Variants in CRIM1 observed in about 807,000 individuals in gnomAD.
The protein encoded by CRIM1 is cysteine rich transmembrane BMP regulator 1.
A neutral mutation model predicts 116.4 loss-of-function variants in CRIM1; 32 were observed. The observed-to-expected ratio is 0.27, with a 90% CI of 0.21 to 0.37. The LOEUF (loss-of-function observed/expected upper bound fraction) is 0.37, where lower values mean the gene tolerates loss of function less well. CRIM1 is among the 10% of genes least tolerant of loss of function. The pLI is 1.00. For missense variants in CRIM1, 1,331 were observed against 1,354.8 expected (o/e 0.98, Z 0.28); for synonymous variants, 590 against 509.2 (o/e 1.16, Z -2.13).
intron 2 of CRIM1, among the ~76,000 whole-genome samples, chr2:36,438,263 A>G (rs991683750): frequency 6.6e-6 from 1 of 152,256 alleles, no homozygotes; most frequent in African/African-American, 2.4e-5. Context: ...GTAAAATAAA[A>G]ATGTAATAGA....
chr2:36,488,778 A>G (rs1288672851), intron 7 of CRIM1, among the ~76,000 whole-genome samples: 2 of 152,336 alleles, frequency 1.3e-5, no homozygotes, highest in South Asian at 4.1e-4. Flanking sequence ...GCTAGCTGCC[A>G]GTAAAAAGAT....
intron 14 of CRIM1, among the ~76,000 whole-genome samples, chr2:36,538,136 A>G (rs1468918954): frequency 6.6e-6 from 1 of 152,024 alleles, no homozygotes; most frequent in East Asian, 1.9e-4. Context: ...CCATGCCTAC[A>G]TCTTTCCCCA....
At chr2:36,374,587 A>G (rs1670177911) in intron 1 of CRIM1, among the ~76,000 whole-genome samples, 1 of 152,064 alleles carries the variant, frequency 6.6e-6, no homozygotes, top group Admixed American at 6.6e-5. Flanking sequence ...CATTATTATG[A>G]TTTGTCAAGC....
At chr2:36,524,245 G>C (rs1456809902) in intron 13 of CRIM1, among the ~76,000 whole-genome samples, 1 of 152,122 alleles carries the variant, frequency 6.6e-6, no homozygotes, top group Admixed American at 6.6e-5. Context: ...TAGCTCCTAA[G>C]TGGAGCGAAA....
At chr2:36,475,732 T>C (rs940486366) in intron 5 of CRIM1, among the ~76,000 whole-genome samples, 2 of 152,226 alleles carry the variant, frequency 1.3e-5, no homozygotes, top group African/African-American at 4.8e-5. Flanking sequence ...GGATGCCATT[T>C]ATCAAGTTGA....
intron 4 of CRIM1, among the ~76,000 whole-genome samples, chr2:36,454,469 G>A (rs544472844): frequency 5.3e-5 from 8 of 152,194 alleles, no homozygotes; most frequent in South Asian, 2.1e-4. Flanking sequence ...GGAATGAACC[G>A]AGGTCTCTGA....
chr2:36,473,972 T>C (rs1056618053), intron 5 of CRIM1, among the ~76,000 whole-genome samples: 4 of 151,980 alleles, frequency 2.6e-5, no homozygotes, highest in African/African-American at 9.7e-5. Context: ...TCACTAAAAA[T>C]CTATGAGAAT....
rs1668852797 is a variant in CRIM1 at position 36,356,879 on chromosome 2, G to A, written c.331+256G>A. 6.6e-6 allele frequency among the ~76,000 whole-genome samples: 1 copy of A among 152,132 alleles called. No individual in the cohort carries two copies. Among genetic ancestry groups the A allele is most frequent in the Non-Finnish European group, 1.5e-5 (1 of 68,004 alleles). The stretch of plus-strand genomic sequence containing the variant: ...CGAGTGGAGGATCGCCCCTGTCCCC[G>A]CGCAGACGCGCACACGTGTGGCCGT... On this transcript the variant is annotated intron_variant, in intron 1 of 16. Coordinates refer to ENST00000280527, the MANE Select transcript of CRIM1 (RefSeq NM_016441.3). This position sits in a 1 kb window ranked among gnomAD's most constrained non-coding sequence, Gnocchi z 4.3.
chr2:36,410,861 G>A (rs1055043612), intron 2 of CRIM1, among the ~76,000 whole-genome samples: 5 of 152,082 alleles, frequency 3.3e-5, no homozygotes, highest in African/African-American at 1.2e-4. Context: ...GTGCATTAAC[G>A]TGGCGTCTGC....
chr2:36,520,565 T>G (rs564225447), intron 12 of CRIM1, among the ~76,000 whole-genome samples: 2 of 152,338 alleles, frequency 1.3e-5, no homozygotes, highest in South Asian at 4.1e-4. Flanking sequence ...TAATAGGACC[T>G]AGAGTACCAT....
rs754851164 is a variant in CRIM1 at position 36,512,369 on chromosome 2, C to G, written c.1755C>G (p.His585Gln). The change falls in exon 10 of 17, where the codon CAC becomes CAG. Residue 585 changes from histidine (H) to glutamine (Q), a missense_variant. Coordinates refer to ENST00000280527, the MANE Select transcript of CRIM1 (RefSeq NM_016441.3). ...ICPLGFQQDS[H>Q]GCLICKCREA... The stretch of plus-strand genomic sequence containing the variant: ...CCTTGGGTTTCCAGCAGGACAGTCA[C>G]GGCTGTCTTATCTGCAAGTGCAGAG... The G allele has an allele frequency of 6.2e-7, 1 of 1,613,372 alleles. No homozygotes were observed. Among genetic ancestry groups the G allele is most frequent in the Non-Finnish European group, 8.5e-7 (1 of 1,179,410 alleles).
Position 36,550,194 on chromosome 2 carries a change from T to C in CRIM1, c.*1493T>C, listed in dbSNP as rs894155291. The C allele has an allele frequency of 2.0e-5, 3 of 152,422 alleles. No homozygotes were observed. The highest frequency in any genetic ancestry group is 7.2e-5 in the African/African-American group (3 of 41,386). The allele number at this position is 152,422 out of a possible 1,614,324, so 9.4% of individuals were successfully genotyped here. A position where few individuals can be genotyped will look rare whatever the true frequency, so the allele number is the denominator to read the frequency against. ...TCAATTTGCTCACTGGCCAGAGACA[T>C]TGATGGCAGTTCTTATCTGCATCAC... On this transcript the variant is annotated 3_prime_UTR_variant, in exon 17 of 17. Coordinates refer to ENST00000280527, the MANE Select transcript of CRIM1 (RefSeq NM_016441.3).
chr2:36,393,328 G>A (rs141947050), intron 1 of CRIM1, among the ~76,000 whole-genome samples: 1 of 152,028 alleles, frequency 6.6e-6, no homozygotes, highest in Admixed American at 6.5e-5. Context: ...GTTTAAACAT[G>A]TTCTTTATAT....
Position 36,442,742 on chromosome 2 carries a change from T to C in CRIM1, c.869+7T>C, listed in dbSNP as rs1442068698. ...GCTGTACTTTGCCAACAAGGTTAGT[T>C]TGCCATTAGTTTGTCAAGTTTTCTC... On this transcript the variant is annotated splice_region_variant and intron_variant, in intron 4 of 16. Transcript: ENST00000280527. 2 of 1,614,114 alleles carry C rather than the reference T, an allele frequency of 1.2e-6. No homozygotes were observed. The highest frequency in any genetic ancestry group is 8.5e-7 in the Non-Finnish European group (1 of 1,179,978).
intron 1 of CRIM1, among the ~76,000 whole-genome samples, chr2:36,395,814 C>A (rs1004034392): frequency 3.3e-5 from 5 of 152,090 alleles, no homozygotes; most frequent in Admixed American, 6.5e-5. Flanking sequence ...AGAGGGGATC[C>A]CCTCCATTGT....
chr2:36,385,082 C>G (rs1213526895), intron 1 of CRIM1, among the ~76,000 whole-genome samples: 1 of 127,844 alleles, frequency 7.8e-6, no homozygotes, highest in Non-Finnish European at 1.6e-5. Flanking sequence ...TCTTGCTTCA[C>G]TGAAAAAAAA....
intron 3 of CRIM1, among the ~76,000 whole-genome samples, chr2:36,441,722 G>A (rs1319712286): frequency 2.6e-5 from 4 of 152,144 alleles, no homozygotes; most frequent in Admixed American, 6.5e-5. Flanking sequence ...GAGAGCGAGC[G>A]TGTCTTTTCC....
chr2:36,383,286 A>T (rs1026009934), intron 1 of CRIM1, among the ~76,000 whole-genome samples: 2 of 152,246 alleles, frequency 1.3e-5, no homozygotes, highest in Non-Finnish European at 2.9e-5. Flanking sequence ...GTAAAAATCT[A>T]TAAAAAATTT....
chr2:36,514,818 C>CTT (rs901214007), intron 11 of CRIM1, among the ~76,000 whole-genome samples: 20 of 152,168 alleles, frequency 1.3e-4, no homozygotes, highest in African/African-American at 4.8e-4. Context: ...GAGAGGGACA[C>CTT]TTGAAGTCCC....
Sources: allele counts gnomAD v4.1 joint callset (sites outside exome capture counted in the v4.1 genomes callset), GRCh38; gene constraint gnomAD v4.1.1; non-coding constraint Gnocchi (gnomAD v3.1); transcripts MANE v1.5; gene names NCBI Gene and HGNC (gene_info 2026-07-23, HGNC 2026-07-21).